Variants in CALN1 observed in about 807,000 individuals in gnomAD.
CALN1 encodes calcium-binding protein 8.
A neutral mutation model predicts 30.6 loss-of-function variants in CALN1; 17 were observed. That is an observed-to-expected ratio of 0.56 (90% CI 0.38 to 0.83). The LOEUF is 0.83. Among genes scored for constraint, CALN1 ranks in the 40% least tolerant of loss-of-function variants. The probability of loss-of-function intolerance (pLI) is 0.00; values close to 1 mark genes in which losing one functional copy is unlikely to be tolerated. For missense variants in CALN1, 291 were observed against 354.9 expected (o/e 0.82, Z 1.45); for synonymous variants, 156 against 131.4 (o/e 1.19, Z -1.28).
At chr7:71,790,449 A>C (rs1793314916) in intron 6 of CALN1, among the ~76,000 whole-genome samples, 1 of 152,214 alleles carries the variant, frequency 6.6e-6, no homozygotes. Flanking sequence ...GTGGGCTTTG[A>C]TGAAGTGCAT....
chr7:72,463,645 A>G, the CALN1 span, among the ~76,000 whole-genome samples: 1 of 152,066 alleles, frequency 6.6e-6, no homozygotes, highest in African/African-American at 2.4e-5. Context: ...CTGCAACTTC[A>G]AACTTCTGAG....
At chr7:72,153,654 C>A (rs900612953) in intron 3 of CALN1, among the ~76,000 whole-genome samples, 4 of 152,056 alleles carry the variant, frequency 2.6e-5, no homozygotes, top group African/African-American at 9.7e-5. Context: ...GCACCCTAGT[C>A]TGGCCAACAG....
rs144463619 is a variant in CALN1, at chr7:71,864,652, T to C, written c.502-54160A>G. On this transcript the variant is annotated intron_variant, in intron 5 of 6. Coordinates refer to ENST00000395275, the MANE Select transcript of CALN1 (RefSeq NM_031468.4). ...GACCCACGGAGACTGAGAGATGATA[T>C]ATTTGAGTTGTTTTAAATCACTAAG... Among the ~76,000 whole-genome samples, 378 of 152,212 alleles carry C rather than the reference T, an allele frequency of 2.5e-3. 2 individuals are homozygous for C. The highest frequency in any genetic ancestry group is 8.5e-3 in the African/African-American group (354 of 41,522).
chr7:72,184,230 C>G (rs562493757), intron 3 of CALN1, among the ~76,000 whole-genome samples: 115 of 152,316 alleles, frequency 7.6e-4, no homozygotes, highest in African/African-American at 2.5e-3. Flanking sequence ...GAGCCATTAT[C>G]TTTTACGTCA....
intron 6 of CALN1, among the ~76,000 whole-genome samples, chr7:71,788,110 G>C (rs1793083635): frequency 6.6e-6 from 1 of 152,154 alleles, no homozygotes; most frequent in Admixed American, 6.6e-5. Context: ...TCTGGTGAAA[G>C]GTATGAAATG....
chr7:72,064,068 G>A (rs1011928436), intron 4 of CALN1, among the ~76,000 whole-genome samples: 1 of 152,154 alleles, frequency 6.6e-6, no homozygotes. Flanking sequence ...GAGGTTAGGA[G>A]TTCGAGACCA....
chr7:71,883,848 A>G (rs1000207080), intron 5 of CALN1, among the ~76,000 whole-genome samples: 14 of 152,160 alleles, frequency 9.2e-5, no homozygotes, highest in Non-Finnish European at 1.5e-4. Context: ...CAAGACACAT[A>G]CATGGCTTCT....
At chr7:72,362,625 G>A (rs923529285) in intron 2 of CALN1, among the ~76,000 whole-genome samples, 6 of 152,050 alleles carry the variant, frequency 3.9e-5, no homozygotes, top group Non-Finnish European at 8.8e-5. Flanking sequence ...CTCTTTTACC[G>A]CAAGTTCTCT....
Position 72,223,808 on chromosome 7 carries a change from C to T in CALN1, c.244+54878G>A, listed in dbSNP as rs150720201. Among the ~76,000 whole-genome samples the T allele has an allele frequency of 4.4e-3, 663 of 152,262 alleles. 5 individuals carry two copies. The highest frequency in any genetic ancestry group is 0.015 in the African/African-American group (637 of 41,536). ...TGTGGTGCATAGACACCATGGAATA[C>T]TATGCAGCCATAAAAAAGAAGGAAA... On this transcript the variant is annotated intron_variant, in intron 3 of 6. Coordinates refer to ENST00000395275, the MANE Select transcript of CALN1 (RefSeq NM_031468.4).
chr7:72,102,907 T>C (rs1352022189), intron 4 of CALN1, among the ~76,000 whole-genome samples: 2 of 151,726 alleles, frequency 1.3e-5, no homozygotes, highest in African/African-American at 2.4e-5. Context: ...ACCCTGTCTG[T>C]ACTAAAAATA....
intron 2 of CALN1, among the ~76,000 whole-genome samples, chr7:72,358,242 G>A (rs1012871370): frequency 6.6e-6 from 1 of 151,884 alleles, no homozygotes; most frequent in Non-Finnish European, 1.5e-5. Flanking sequence ...TGACCCTTGA[G>A]CCTTGGCCTC....
rs768976671 is a variant in CALN1 at position 72,169,489 on chromosome 7, A to ATTT, written c.245-63198_245-63196dup. 2.1e-4 allele frequency among the ~76,000 whole-genome samples: 18 copies of ATTT among 86,790 alleles called. No individual in the cohort carries two copies. The East Asian group carries it at 2.6e-3, about 13-fold the overall frequency. 56.9% of individuals were successfully genotyped at this position (86,790 alleles called of 152,430 possible). A position where few individuals can be genotyped will look rare whatever the true frequency, so the allele number is the denominator to read the frequency against. ...TGCATGCCACCACACCCAGCTGATTATTTTTTTTTTTTTTTCAGATACAGA... is the reference window on the plus strand; with the variant it reads ...TGCATGCCACCACACCCAGCTGATTATTTTTTTTTTTTTTTTTTCAGATACAGA... On this transcript the variant is annotated intron_variant, in intron 3 of 6. Coordinates refer to ENST00000395275, the MANE Select transcript of CALN1 (RefSeq NM_031468.4).
intron 4 of CALN1, among the ~76,000 whole-genome samples, chr7:72,045,346 A>G (rs1802398792): frequency 6.6e-6 from 1 of 152,184 alleles, no homozygotes; most frequent in Non-Finnish European, 1.5e-5. Context: ...TTGGATTACT[A>G]GGAAGTCTGG....
chr7:71,854,421 G>T (rs1790825046), intron 5 of CALN1, among the ~76,000 whole-genome samples: 1 of 151,980 alleles, frequency 6.6e-6, no homozygotes, highest in Admixed American at 6.6e-5. Flanking sequence ...AACTGAAATG[G>T]CATACAAAAG....
intron 2 of CALN1, among the ~76,000 whole-genome samples, chr7:72,350,403 G>T (rs1802860537): frequency 6.6e-6 from 1 of 152,118 alleles, no homozygotes; most frequent in Non-Finnish European, 1.5e-5. Context: ...ATGCTAGACT[G>T]GATAAAGAAA....
chr7:71,836,535 G>A lies in CALN1; in HGVS notation c.502-26043C>T, dbSNP rs368114870. ...TTTAAGGGACTTATCTGTATTCCATGCTCTCTGCACATTCAGGAACTGTTT... is the reference window on the plus strand; with the variant it reads ...TTTAAGGGACTTATCTGTATTCCATACTCTCTGCACATTCAGGAACTGTTT... On this transcript the variant is annotated intron_variant, in intron 5 of 6. Transcript: ENST00000395275. Among the ~76,000 whole-genome samples the A allele has an allele frequency of 2.6e-5, 4 of 152,046 alleles. No individual in the cohort carries two copies. In the South Asian group the frequency reaches 6.2e-4, roughly 24 times the overall value.
intron 2 of CALN1, among the ~76,000 whole-genome samples, chr7:72,291,055 C>G (rs904654260): frequency 1.3e-5 from 2 of 151,994 alleles, no homozygotes; most frequent in Non-Finnish European, 2.9e-5. Context: ...TTCCAAGTAG[C>G]TGGGATTACA....
At chr7:72,283,003 C>T (rs1051439593) in intron 2 of CALN1, among the ~76,000 whole-genome samples, 6 of 149,904 alleles carry the variant, frequency 4.0e-5, no homozygotes, top group South Asian at 2.1e-4. Flanking sequence ...TGCAATGAGC[C>T]GAGATCGTGC....
At chr7:72,365,742 T>C (rs1260610939) in intron 2 of CALN1, among the ~76,000 whole-genome samples, 3 of 152,138 alleles carry the variant, frequency 2.0e-5, no homozygotes, top group Non-Finnish European at 2.9e-5. Context: ...AAAAGGTGTG[T>C]AAGATCACGA....
Sources: allele counts gnomAD v4.1 joint callset (sites outside exome capture counted in the v4.1 genomes callset), GRCh38; gene constraint gnomAD v4.1.1; transcripts MANE v1.5; gene names NCBI Gene and HGNC (gene_info 2026-07-23, HGNC 2026-07-21).